Variants in CADM2 observed in about 807,000 individuals in gnomAD.
CADM2 encodes the protein cell adhesion molecule 2.
In CADM2, 12 loss-of-function variants were observed where a neutral mutation model predicts 49.8. The ratio of observed to expected loss-of-function variants is 0.24; its 90% CI spans 0.15 to 0.39. The LOEUF is 0.39. Among genes scored for constraint, CADM2 ranks in the 10% least tolerant of loss-of-function variants. The pLI is 1.00. For synonymous variants in CADM2, 214 were observed against 175.4 expected, an observed-to-expected ratio of 1.22 and a Z score of -1.74; for missense variants, 378 against 492.3, an observed-to-expected ratio of 0.77 and a Z score of 2.20.
chr3:86,059,020 G>A (rs1279376928), intron 8 of CADM2, among the ~76,000 whole-genome samples: 1 of 151,134 alleles, frequency 6.6e-6, no homozygotes, highest in Non-Finnish European at 1.5e-5. Flanking sequence ...CTTGAACCCA[G>A]GAGGCGGAGG....
intron 1 of CADM2, among the ~76,000 whole-genome samples, chr3:85,707,923 G>T (rs1470724992): frequency 6.6e-6 from 1 of 152,094 alleles, no homozygotes; most frequent in East Asian, 1.9e-4. Context: ...GATGTGAAAG[G>T]CTTTTTGGAG....
At chr3:85,577,109 C>T (rs752767988) in intron 1 of CADM2, among the ~76,000 whole-genome samples, 2 of 152,070 alleles carry the variant, frequency 1.3e-5, no homozygotes, top group South Asian at 2.1e-4. Flanking sequence ...AGTCTTTATC[C>T]GTTGATTCTC....
At chr3:85,269,821 T>G in intron 1 of CADM2, among the ~76,000 whole-genome samples, 1 of 151,464 alleles carries the variant, frequency 6.6e-6, no homozygotes, top group East Asian at 1.9e-4. Context: ...TTCTTCTTTT[T>G]GAAACCTTTT....
chr3:84,993,799 T>C (rs2033027132), intron 1 of CADM2, among the ~76,000 whole-genome samples: 1 of 152,036 alleles, frequency 6.6e-6, no homozygotes, highest in Non-Finnish European at 1.5e-5. Flanking sequence ...TTTTTCCTAC[T>C]ATTGTCTCTA....
At chr3:86,036,336 T>C (rs983386771) in intron 8 of CADM2, among the ~76,000 whole-genome samples, 1 of 152,144 alleles carries the variant, frequency 6.6e-6, no homozygotes, top group Non-Finnish European at 1.5e-5. Flanking sequence ...TATTATTTAA[T>C]AACTTTTGCA....
intron 8 of CADM2, among the ~76,000 whole-genome samples, chr3:85,987,324 G>T (rs939294176): frequency 6.6e-6 from 1 of 151,476 alleles, no homozygotes; most frequent in Non-Finnish European, 1.5e-5. Flanking sequence ...TATTTCTTCA[G>T]CTTCCATCAA....
At chr3:85,820,315 C>G (rs2073475828) in intron 3 of CADM2, among the ~76,000 whole-genome samples, 1 of 152,050 alleles carries the variant, frequency 6.6e-6, no homozygotes, top group Non-Finnish European at 1.5e-5. Flanking sequence ...AACATTTTCA[C>G]AGTAACACTC....
chr3:85,834,818 T>C (rs986685213), intron 3 of CADM2, among the ~76,000 whole-genome samples: 1 of 151,338 alleles, frequency 6.6e-6, no homozygotes, highest in African/African-American at 2.4e-5. Context: ...ATATCACAAA[T>C]GGGGTTGAGT....
At chr3:85,989,433 C>G (rs72912425) in intron 8 of CADM2, among the ~76,000 whole-genome samples, 1 of 152,168 alleles carries the variant, frequency 6.6e-6, no homozygotes, top group East Asian at 1.9e-4. Flanking sequence ...CACTGGGGGA[C>G]AGGGGACCAA....
At chr3:85,411,827 G>A (rs2035670150) in intron 1 of CADM2, among the ~76,000 whole-genome samples, 1 of 152,090 alleles carries the variant, frequency 6.6e-6, no homozygotes, top group Non-Finnish European at 1.5e-5. Flanking sequence ...CATGAACGAT[G>A]TCATATCATA....
intron 8 of CADM2, among the ~76,000 whole-genome samples, chr3:86,050,129 A>C (rs1223588863): frequency 3.9e-5 from 6 of 152,220 alleles, no homozygotes; most frequent in African/African-American, 1.4e-4. Context: ...ACAGGGGTAC[A>C]GGTGTTGTGT....
At chr3:85,571,680 T>C (rs192157139) in intron 1 of CADM2, among the ~76,000 whole-genome samples, 2 of 152,346 alleles carry the variant, frequency 1.3e-5, no homozygotes, top group Admixed American at 1.3e-4. Flanking sequence ...GGAATTCAAA[T>C]TGCTATGTTG....
intron 1 of CADM2, among the ~76,000 whole-genome samples, chr3:85,061,990 G>C (rs928221884): frequency 1.3e-5 from 2 of 151,384 alleles, no homozygotes; most frequent in Non-Finnish European, 2.9e-5. Flanking sequence ...GAGTTCATAA[G>C]TAAGAGCTTA....
chr3:85,269,416 A>G lies in CADM2; in HGVS notation c.61+309748A>G, dbSNP rs188869521. ...AAGGAATATTGACAGATTACACCCC[A>G]AAAAGTAAATTAATTAATCAATAAT... On this transcript the variant is annotated intron_variant, in intron 1 of 9. Coordinates refer to ENST00000383699, the MANE Select transcript of CADM2 (RefSeq NM_001167675.2). Among the ~76,000 whole-genome samples, 23 of 151,556 alleles carry G rather than the reference A, an allele frequency of 1.5e-4. 1 individual carries two copies. Among genetic ancestry groups the G allele is most frequent in the Admixed American group, 5.3e-4 (8 of 15,126 alleles).
In CADM2 at chr3:85,357,869, T is replaced by C. The variant is rs1383469761; in HGVS notation, c.62-368653T>C. 2.0e-5 allele frequency among the ~76,000 whole-genome samples: 3 copies of C among 152,224 alleles called. No individual in the cohort carries two copies. The South Asian group carries it at 6.2e-4, about 32-fold the overall frequency. ...CTAAGGGAATGAGTCACATCAGACA[T>C]GATTGATAAAACAGAACGCTAACCA... On this transcript the variant is annotated intron_variant, in intron 1 of 9. Transcript: ENST00000383699.
intron 3 of CADM2, among the ~76,000 whole-genome samples, chr3:85,820,528 G>A (rs184831482): frequency 1.2e-4 from 18 of 152,264 alleles, no homozygotes; most frequent in Admixed American, 2.6e-4. Flanking sequence ...AAGAATGTGA[G>A]GTTGAAGAGT....
At chr3:85,427,471 G>A (rs963262412) in intron 1 of CADM2, among the ~76,000 whole-genome samples, 6 of 151,772 alleles carry the variant, frequency 4.0e-5, no homozygotes, top group Non-Finnish European at 8.8e-5. Flanking sequence ...ATAACAGCTG[G>A]CCAATCAATC....
At chr3:85,648,588 G>A (rs1041623480) in intron 1 of CADM2, among the ~76,000 whole-genome samples, 1 of 151,754 alleles carries the variant, frequency 6.6e-6, no homozygotes, top group Non-Finnish European at 1.5e-5. Context: ...TATTATGTGG[G>A]GCATATAACT....
intron 1 of CADM2, among the ~76,000 whole-genome samples, chr3:85,395,296 C>CA (rs58315220): frequency 0.017 from 1,321 of 75,558 alleles, 33 homozygotes; most frequent in Middle Eastern, 0.054. Flanking sequence ...AGACTCCATA[C>CA]AAAAAAAAAA....
Sources: gnomAD v4.1 joint callset for allele counts (sites outside exome capture counted in the v4.1 genomes callset) on GRCh38, gnomAD v4.1.1 for gene constraint, MANE v1.5 for transcripts, NCBI Gene and HGNC (gene_info 2026-07-23, HGNC 2026-07-21) for gene names.